The following FAM98B variants were observed in gnomAD, a reference collection of about 807,000 sequenced individuals.
FAM98B encodes the protein tRNA-splicing ligase complex subunit FAM98B.
FAM98B carries 32 observed loss-of-function variants against 43.9 expected under a neutral mutation model. That is an observed-to-expected ratio of 0.73 (90% CI 0.55 to 0.98). The LOEUF is 0.98. Among genes scored for constraint, FAM98B ranks in the 50% least tolerant of loss-of-function variants. FAM98B has a pLI of 0.00. For synonymous variants in FAM98B, 190 were observed against 174.0 expected (o/e 1.09, Z -0.72); for missense variants, 514 against 522.9 (o/e 0.98, Z 0.17).
At chr15:38,470,551 G>C (rs902599138) in intron 4 of FAM98B, 146 bp downstream of exon 4, 18 of 638,864 alleles carry the variant, frequency 2.8e-5, no homozygotes, top group Non-Finnish European at 4.5e-5. Context: ...TTTGGATTCA[G>C]ACTTAACAGG....
At position 38,470,390 on chromosome 15, in the gene FAM98B, C is replaced by A; in HGVS notation, c.516C>A (p.Asn172Lys). The change falls in exon 4 of 8, where the codon AAC becomes AAA. Residue 172 changes from asparagine (N) to lysine (K), a missense_variant. This residue lies in a region of FAM98B where 469 missense variants were observed against 451.8 expected (regional missense o/e 1.04). Coordinates refer to ENST00000397609, the MANE Select transcript of FAM98B (RefSeq NM_173611.4). The stretch of plus-strand genomic sequence containing the variant: ...CTTCTGACATTCCGCATATGCTAAA[C>A]CAAGTGGAATCAAAGGTATTATCTT... ...STTSDIPHML[N>K]QVESKVKDIL... The A allele has an allele frequency of 1.1e-5, 17 of 1,595,076 alleles. No individual in the cohort carries two copies. The highest frequency in any genetic ancestry group is 1.4e-5 in the Non-Finnish European group (17 of 1,174,756).
chr15:38,469,720 C>G (rs1890094377), intron 3 of FAM98B, among the ~76,000 whole-genome samples: 1 of 151,670 alleles, frequency 6.6e-6, no homozygotes, highest in Admixed American at 6.6e-5. Flanking sequence ...AACCATTTCT[C>G]TTTTTCCTGG....
intron 1 of FAM98B, among the ~76,000 whole-genome samples, chr15:38,463,491 A>AAAAAT (rs10682998): frequency 0.14 from 19,655 of 140,680 alleles, 1,818 homozygotes; most frequent in African/African-American, 0.24. Context: ...ACCCTGCCTC[A>AAAAAT]AAAATAAAAT....
In FAM98B at chr15:38,481,359, T is replaced by A. The variant is rs1457259178; in HGVS notation, c.797T>A (p.Ile266Asn). 5.0e-6 allele frequency: 8 copies of A among 1,614,178 alleles called. 1 individual carries two copies. The South Asian group carries it at 8.8e-5, about 18-fold the overall frequency. Reference protein sequence around the residue: ...KRYALSPKTTITMAHLLAARE... With the variant: ...KRYALSPKTTNTMAHLLAARE... ...TATGCTTTGTCACCCAAGACAACGA[T>A]TACAATGGCACATCTACTTGCTGCT... Residue 266 changes from isoleucine (I) to asparagine (N), a missense_variant, in exon 7 of 8, where the codon ATT becomes AAT. Coordinates refer to ENST00000397609, the MANE Select transcript of FAM98B (RefSeq NM_173611.4).
chr15:38,483,052 A>G (rs143573390), intron 7 of FAM98B: 5 of 152,326 alleles, frequency 3.3e-5, no homozygotes, highest in South Asian at 2.1e-4. Flanking sequence ...TAGTTTTTAT[A>G]TCAATCTCTG....
At chr15:38,474,739 A>T (rs1890173625) in intron 6 of FAM98B, among the ~76,000 whole-genome samples, 1 of 152,022 alleles carries the variant, frequency 6.6e-6, no homozygotes, top group Non-Finnish European at 1.5e-5. Flanking sequence ...CCAAATTTGA[A>T]TCTCTTCAGA....
At chr15:38,466,394 A>G (rs1890032891) in intron 3 of FAM98B, among the ~76,000 whole-genome samples, 1 of 152,072 alleles carries the variant, frequency 6.6e-6, no homozygotes, top group South Asian at 2.1e-4. Context: ...ACTCTTAGGT[A>G]TATTGGGACA....
At chr15:38,466,385 C>A (rs1890032715) in intron 3 of FAM98B, among the ~76,000 whole-genome samples, 1 of 152,042 alleles carries the variant, frequency 6.6e-6, no homozygotes, top group African/African-American at 2.4e-5. Flanking sequence ...ATCACAGTAA[C>A]TCTTAGGTAT....
Position 38,484,559 on chromosome 15 carries a change from G to A in FAM98B, c.1202G>A (p.Gly401Glu). Residue 401 changes from glycine to glutamate, a missense_variant, in exon 8 of 8, where the codon GGA (glycine) becomes GAA (glutamate). By Grantham distance (98) the Gly-to-Glu change is moderately conservative. Transcript: ENST00000397609. ...TATGGTGGAAGAGGGGGTTATGGTG[G>A]AAGAGGGGGCTATGGTGGAAGAGGC... ...GDYGGRGGYG[G>E]RGGYGGRGYG... 1 of 1,296,206 alleles carries A rather than the reference G, an allele frequency of 7.7e-7. No individual in the cohort carries two copies. The highest frequency in any genetic ancestry group is 9.9e-7 in the Non-Finnish European group (1 of 1,005,556). 80.3% of individuals were successfully genotyped at this position (1,296,206 alleles called of 1,614,324 possible).
In FAM98B at chr15:38,481,382, G is replaced by T; in HGVS notation, c.820G>T (p.Ala274Ser). ...TTITMAHLLA[A>S]REDLSKIIRT... Reference sequence around the variant, plus strand: ...GATTACAATGGCACATCTACTTGCTGCTCGTGAAGATCTATCCAAGATCAT... The same window carrying T: ...GATTACAATGGCACATCTACTTGCTTCTCGTGAAGATCTATCCAAGATCAT... Residue 274 changes from alanine (A) to serine (S), a missense_variant, in exon 7 of 8, where the codon GCT becomes TCT. Transcript: ENST00000397609. 1 of 1,614,162 alleles carries T rather than the reference G, an allele frequency of 6.2e-7. No homozygotes were observed. Among genetic ancestry groups the T allele is most frequent in the Non-Finnish European group, 8.5e-7 (1 of 1,180,022 alleles).
rs1247880528 is a variant in FAM98B, at chr15:38,484,284, A to G, written c.927A>G (p.Gly309=). The G allele has an allele frequency of 4.5e-6, 7 of 1,542,188 alleles. No homozygotes were observed. Among genetic ancestry groups the G allele is most frequent in the Non-Finnish European group, 6.1e-6 (7 of 1,142,560 alleles). ...TGATGGGAAGGGTGCCTGACAGGGG[A>G]GGCCGGCCGAATGAAATTGAACCAC... ...KVLMGRVPDR[G]GRPNEIEPPP... The change falls in exon 8 of 8, where the codon GGA becomes GGG. Residue 309 remains glycine, a synonymous_variant. Transcript: ENST00000397609.
rs1890391882 is a variant in FAM98B, at chr15:38,487,254, C to CTTT, written c.*2595_*2596insTTT. 1.3e-5 allele frequency: 2 copies of CTTT among 152,012 alleles called. No individual in the cohort carries two copies. The highest frequency in any genetic ancestry group is 2.9e-5 in the Non-Finnish European group (2 of 67,936). 9.4% of individuals were successfully genotyped at this position (152,012 alleles called of 1,614,324 possible). On this transcript the variant is annotated 3_prime_UTR_variant, in exon 8 of 8. Transcript: ENST00000397609. ...ATCAGGGAAACCTTGCCTCATTAAA[C>CTTT]AGAAAAAGGAAAACATTTTAAATAA...
chr15:38,478,799 C>T (rs1193585958), intron 6 of FAM98B, among the ~76,000 whole-genome samples: 7 of 152,142 alleles, frequency 4.6e-5, no homozygotes, highest in Admixed American at 3.3e-4. Context: ...CTTTTCTTCA[C>T]TGTTTTACTA....
At chr15:38,477,083 A>G (rs542719192) in intron 6 of FAM98B, among the ~76,000 whole-genome samples, 9 of 151,842 alleles carry the variant, frequency 5.9e-5, no homozygotes, top group Non-Finnish European at 1.2e-4. Flanking sequence ...GGATTACTTG[A>G]GGCCAGGAGT....
chr15:38,468,740 C>T (rs1038573257), intron 3 of FAM98B, among the ~76,000 whole-genome samples: 5 of 152,128 alleles, frequency 3.3e-5, no homozygotes, highest in African/African-American at 1.2e-4. Flanking sequence ...CACAGATGCC[C>T]AACTCCTACT....
chr15:38,457,491 G>C (rs1203108128), intron 1 of FAM98B, among the ~76,000 whole-genome samples: 1 of 152,174 alleles, frequency 6.6e-6, no homozygotes, highest in Non-Finnish European at 1.5e-5. Flanking sequence ...TAGGTGAGTG[G>C]TCGAAGAAGC....
At chr15:38,458,968 G>A in intron 1 of FAM98B, 1 of 394,736 alleles carries the variant, frequency 2.5e-6, no homozygotes, top group Admixed American at 2.8e-5. Flanking sequence ...TCCTGACTTA[G>A]CAGCCCTGGT....
At chr15:38,457,949 C>G (rs1595795334) in intron 1 of FAM98B, among the ~76,000 whole-genome samples, 1 of 148,734 alleles carries the variant, frequency 6.7e-6, no homozygotes, top group Non-Finnish European at 1.5e-5. Flanking sequence ...GTAGGAATAA[C>G]AATCTTACTT....
At chr15:38,459,283 C>T (rs1039791045) in intron 1 of FAM98B, 3 of 494,964 alleles carry the variant, frequency 6.1e-6, no homozygotes, top group South Asian at 1.5e-5. Flanking sequence ...GGGGCAGACA[C>T]GTCCCTGGGA....
Sources: allele counts gnomAD v4.1 joint callset (sites outside exome capture counted in the v4.1 genomes callset), GRCh38; gene constraint gnomAD v4.1.1; regional missense constraint gnomAD v4.1.1; transcripts MANE v1.5; gene names NCBI Gene and HGNC (gene_info 2026-07-23, HGNC 2026-07-21).